The following MLLT10 variants were observed in gnomAD, a reference collection of about 807,000 sequenced individuals.
MLLT10 encodes protein AF-10.
MLLT10 carries 30 observed loss-of-function variants against 129.1 expected under a neutral mutation model. The ratio of observed to expected loss-of-function variants is 0.23; its 90% CI spans 0.17 to 0.32. The LOEUF (loss-of-function observed/expected upper bound fraction) is 0.32. Ranked by LOEUF, MLLT10 falls within the 10% of genes least tolerant of loss-of-function variation. MLLT10 has a pLI of 1.00. For synonymous variants in MLLT10, 490 were observed against 446.4 expected, an observed-to-expected ratio of 1.10 and a Z score of -1.23; for missense variants, 1,119 against 1,268.3, an observed-to-expected ratio of 0.88 and a Z score of 1.79.
At chr10:21,624,553 G>A (rs1475748433) in intron 8 of MLLT10, 10 of 1,183,314 alleles carry the variant, frequency 8.5e-6, no homozygotes, top group Admixed American at 5.2e-5. Flanking sequence ...AGAGCCAGTC[G>A]TATCTTGCCA....
intron 5 of MLLT10, among the ~76,000 whole-genome samples, chr10:21,604,242 T>C (rs2043842646): frequency 6.6e-6 from 1 of 152,180 alleles, no homozygotes; most frequent in South Asian, 2.1e-4. Flanking sequence ...GTCCCAAATC[T>C]CATCTTCTGA....
At chr10:21,677,904 A>G (rs2052348672) in intron 11 of MLLT10, among the ~76,000 whole-genome samples, 2 of 152,212 alleles carry the variant, frequency 1.3e-5, no homozygotes, top group Non-Finnish European at 2.9e-5. Context: ...TCTGACATAC[A>G]CCACTGTATC....
chr10:21,722,089 A>C (rs1018266794), intron 14 of MLLT10, among the ~76,000 whole-genome samples: 1 of 151,976 alleles, frequency 6.6e-6, no homozygotes, highest in Non-Finnish European at 1.5e-5. Flanking sequence ...TCTTTCAAAT[A>C]TATATATAAA....
intron 14 of MLLT10, among the ~76,000 whole-genome samples, chr10:21,723,205 C>T (rs1255227008): frequency 6.6e-6 from 1 of 151,892 alleles, no homozygotes; most frequent in East Asian, 1.9e-4. Flanking sequence ...AGTTGTTGTG[C>T]CATACTCCTT....
intron 8 of MLLT10, among the ~76,000 whole-genome samples, chr10:21,646,987 C>T (rs2048556766): frequency 6.6e-6 from 1 of 151,990 alleles, no homozygotes; most frequent in Non-Finnish European, 1.5e-5. Flanking sequence ...TCCTGAGTAG[C>T]TGGGACTACA....
chr10:21,698,661 A>G (rs935546119), intron 13 of MLLT10, among the ~76,000 whole-genome samples: 2 of 152,230 alleles, frequency 1.3e-5, no homozygotes, highest in African/African-American at 4.8e-5. Flanking sequence ...TATTTTATAT[A>G]GTGGTTGTAC....
At chr10:21,626,754 A>T (rs182343774) in intron 8 of MLLT10, among the ~76,000 whole-genome samples, 2 of 152,168 alleles carry the variant, frequency 1.3e-5, no homozygotes, top group East Asian at 3.9e-4. Flanking sequence ...TGTCTTTGTA[A>T]AAGTTTTCTA....
At chr10:21,566,518 G>A (rs1299016938) in intron 3 of MLLT10, among the ~76,000 whole-genome samples, 2 of 151,564 alleles carry the variant, frequency 1.3e-5, no homozygotes, top group African/African-American at 2.4e-5. Flanking sequence ...AGTAGAGATG[G>A]GGTTTCACCA....
In MLLT10 at chr10:21,624,746, T is replaced by A. The variant is rs555891843; in HGVS notation, c.699+7539T>A. ...TTTGTTGGTCTGACGATGCTTGGAA[T>A]CAGGTTGGTTGTAAGCATCTGCCTT... On this transcript the variant is annotated intron_variant, in intron 8 of 22. Transcript: ENST00000307729. The A allele has an allele frequency of 2.4e-5, 30 of 1,239,634 alleles. No individual in the cohort carries two copies. The Admixed American group carries it at 2.9e-4, about 12-fold the overall frequency. 76.8% of individuals were successfully genotyped at this position (1,239,634 alleles called of 1,614,324 possible). A position where few individuals can be genotyped will look rare whatever the true frequency, so the allele number is the denominator to read the frequency against.
At chr10:21,739,997 A>T in intron 21 of MLLT10, 33 bp from the exon 22 acceptor site, 1 of 1,481,706 alleles carries the variant, frequency 6.7e-7, no homozygotes, top group Non-Finnish European at 9.3e-7. Flanking sequence ...CGTGCTTGGG[A>T]ACTCATTTTC....
Position 21,582,922 on chromosome 10 carries a change from A to T in MLLT10, c.241-3372A>T, listed in dbSNP as rs533063186. ...TGAGGTGGCTCACTGTAATCCTAGC[A>T]CTTTAGGAGGCTGAGGTGAGTGGAT... On this transcript the variant is annotated intron_variant, in intron 3 of 22. Coordinates refer to ENST00000307729, the MANE Select transcript of MLLT10 (RefSeq NM_001195626.3). Among the ~76,000 whole-genome samples, 15 of 152,296 alleles carry T rather than the reference A, an allele frequency of 9.8e-5. No individual in the cohort carries two copies. In the East Asian group the frequency reaches 2.9e-3, roughly 29 times the overall value.
At chr10:21,582,772 C>T (rs1389712531) in intron 3 of MLLT10, among the ~76,000 whole-genome samples, 3 of 152,144 alleles carry the variant, frequency 2.0e-5, no homozygotes, top group Admixed American at 6.5e-5. Flanking sequence ...TCAAAGATGA[C>T]GTATACTAGG....
chr10:21,707,244 G>C (rs933191614), intron 13 of MLLT10, among the ~76,000 whole-genome samples: 2 of 145,764 alleles, frequency 1.4e-5, no homozygotes, highest in African/African-American at 5.1e-5. Context: ...CCAGGCTGGA[G>C]TGCAGTGGCG....
intron 21 of MLLT10, chr10:21,738,645 C>T (rs2058580772): frequency 1.2e-6 from 1 of 842,764 alleles, no homozygotes; most frequent in African/African-American, 1.8e-5. Context: ...TGCATGTTTG[C>T]TAAATCCAGT....
intron 5 of MLLT10, among the ~76,000 whole-genome samples, chr10:21,597,919 A>G (rs2043169737): frequency 6.6e-6 from 1 of 152,122 alleles, no homozygotes; most frequent in Admixed American, 6.5e-5. Flanking sequence ...CACTTGGTTA[A>G]GGTGTGTCTG....
At chr10:21,722,896 C>A (rs963447308) in intron 14 of MLLT10, among the ~76,000 whole-genome samples, 2 of 152,178 alleles carry the variant, frequency 1.3e-5, no homozygotes, top group South Asian at 4.1e-4. Flanking sequence ...TTCAGTTTCC[C>A]AGCAGAAATT....
intron 13 of MLLT10, among the ~76,000 whole-genome samples, chr10:21,685,436 G>T (rs896508248): frequency 9.2e-5 from 14 of 152,128 alleles, no homozygotes; most frequent in African/African-American, 3.4e-4. Flanking sequence ...CTGAATTCAA[G>T]CGATTCTCCT....
At chr10:21,710,462 C>A (rs1448837933) in intron 13 of MLLT10, among the ~76,000 whole-genome samples, 2 of 152,160 alleles carry the variant, frequency 1.3e-5, no homozygotes, top group Non-Finnish European at 2.9e-5. Flanking sequence ...TGGGAAATTT[C>A]TTATTTCTAT....
At chr10:21,596,949 A>G (rs543173714) in intron 5 of MLLT10, among the ~76,000 whole-genome samples, 2 of 151,520 alleles carry the variant, frequency 1.3e-5, no homozygotes, top group Non-Finnish European at 2.9e-5. Context: ...TTTCGAGGTA[A>G]TTTACACAAA....
Sources: allele counts gnomAD v4.1 joint callset (sites outside exome capture counted in the v4.1 genomes callset), GRCh38; gene constraint gnomAD v4.1.1; transcripts MANE v1.5; gene names NCBI Gene and HGNC (gene_info 2026-07-23, HGNC 2026-07-21).